MACROD2: variants seen among roughly 807,000 people sequenced by gnomAD.
MACROD2 encodes mono-ADP ribosylhydrolase 2.
Under a neutral mutation model 70.4 loss-of-function variants are expected in MACROD2, and 36 were observed. That is an observed-to-expected ratio of 0.51 (90% CI 0.39 to 0.68). The LOEUF (loss-of-function observed/expected upper bound fraction) is 0.68, where lower values mean the gene tolerates loss of function less well. Ranked by LOEUF, MACROD2 falls within the 30% of genes least tolerant of loss-of-function variation. The probability of loss-of-function intolerance (pLI) is 0.00; values close to 1 mark genes in which losing one functional copy is unlikely to be tolerated. For synonymous variants in MACROD2, 172 were observed against 178.8 expected, an observed-to-expected ratio of 0.96 and a Z score of 0.30; for missense variants, 496 against 538.4, an observed-to-expected ratio of 0.92 and a Z score of 0.78.
At chr20:15,599,573 A>G (rs2048791459) in intron 8 of MACROD2, among the ~76,000 whole-genome samples, 1 of 152,184 alleles carries the variant, frequency 6.6e-6, no homozygotes, top group Non-Finnish European at 1.5e-5. Flanking sequence ...CTGAGTTCTC[A>G]TCACCTGTAA....
chr20:14,934,354 G>GC (rs765774096), intron 5 of MACROD2, among the ~76,000 whole-genome samples: 13 of 152,202 alleles, frequency 8.5e-5, no homozygotes, highest in Non-Finnish European at 1.8e-4. Flanking sequence ...CATAATGAGA[G>GC]CAGCAGCATA....
chr20:14,606,399 A>G (rs1297077645), intron 4 of MACROD2, among the ~76,000 whole-genome samples: 2 of 152,154 alleles, frequency 1.3e-5, no homozygotes, highest in East Asian at 3.8e-4. Flanking sequence ...CAGCATGCCT[A>G]TAACAATTCC....
At chr20:14,410,905 C>T (rs192434956) in intron 3 of MACROD2, among the ~76,000 whole-genome samples, 54 of 152,232 alleles carry the variant, frequency 3.5e-4, no homozygotes, top group Non-Finnish European at 6.3e-4. Flanking sequence ...TAGAGACCAA[C>T]CTGAGCAGAT....
intron 4 of MACROD2, among the ~76,000 whole-genome samples, chr20:14,579,331 C>T (rs971885053): frequency 6.6e-6 from 1 of 150,742 alleles, no homozygotes; most frequent in Non-Finnish European, 1.5e-5. Flanking sequence ...TTAGTAGAGA[C>T]GGGGTTTCAC....
At chr20:14,187,139 G>GAAAAAAAAAAAAAAAAAAAAAAAA (rs71335951) in intron 3 of MACROD2, among the ~76,000 whole-genome samples, 1 of 112,974 alleles carries the variant, frequency 8.9e-6, no homozygotes. Context: ...TTTAAAAAAG[G>GAAAAAAAAAAAAAAAAAAAAAAAA]AAAAAAAAAA....
At chr20:15,712,196 G>T (rs2050638722) in intron 8 of MACROD2, among the ~76,000 whole-genome samples, 1 of 152,174 alleles carries the variant, frequency 6.6e-6, no homozygotes, top group Admixed American at 6.5e-5. Context: ...TCTTAAGAAG[G>T]CTAGAGTCAA....
intron 3 of MACROD2, among the ~76,000 whole-genome samples, chr20:14,407,416 C>T (rs753706006): frequency 7.9e-5 from 12 of 152,026 alleles, no homozygotes; most frequent in Admixed American, 1.3e-4. Context: ...CTCTCTCTCT[C>T]CCACTCTCTA....
At chr20:14,006,153 A>G (rs905989525) in intron 2 of MACROD2, among the ~76,000 whole-genome samples, 2 of 152,210 alleles carry the variant, frequency 1.3e-5, no homozygotes, top group Admixed American at 1.3e-4. Context: ...CCTAGGAGCA[A>G]TTGGCTGTAC....
intron 5 of MACROD2, among the ~76,000 whole-genome samples, chr20:15,118,433 C>T (rs982419729): frequency 2.0e-5 from 3 of 151,996 alleles, no homozygotes; most frequent in East Asian, 1.9e-4. Flanking sequence ...CCTCATGATC[C>T]GCCCGCCTTG....
intron 13 of MACROD2, among the ~76,000 whole-genome samples, chr20:15,978,240 C>T (rs546775558): frequency 2.0e-5 from 3 of 152,242 alleles, no homozygotes; most frequent in Admixed American, 6.5e-5. Context: ...CAGGACCACC[C>T]CCCTCCCCAA....
chr20:14,996,386 T>C (rs540725508), intron 5 of MACROD2, among the ~76,000 whole-genome samples: 13 of 152,106 alleles, frequency 8.5e-5, no homozygotes, highest in Non-Finnish European at 1.8e-4. Context: ...AACATTAACG[T>C]TGATAAAGAA....
rs2076707346 is a variant in MACROD2 at position 15,206,721 on chromosome 20, G to GTTTTTTTTTGT, written c.419-23210_419-23209insGTTTTTTTTTT. On this transcript the variant is annotated intron_variant, in intron 5 of 17. Coordinates refer to ENST00000684519, the MANE Select transcript of MACROD2 (RefSeq NM_001351661.2). ...GCATGAAGTCTTTCATATTATCTATGTTTTTTTTTTTTTTTTTTTTTTTTT... is the reference window on the plus strand; with the variant it reads ...GCATGAAGTCTTTCATATTATCTATGTTTTTTTTTGTTTTTTTTTTTTTTTTTTTTTTTTTT... Among the ~76,000 whole-genome samples the GTTTTTTTTTGT allele has an allele frequency of 1.2e-3, 38 of 33,000 alleles. 5 individuals carry two copies. The highest frequency in any genetic ancestry group is 5.7e-3 in the African/African-American group (37 of 6,544). 21.6% of individuals were successfully genotyped at this position (33,000 alleles called of 152,430 possible).
intron 3 of MACROD2, among the ~76,000 whole-genome samples, chr20:14,461,181 C>T (rs1262720658): frequency 1.3e-5 from 2 of 152,004 alleles, no homozygotes; most frequent in Non-Finnish European, 2.9e-5. Context: ...GGAGTTTATC[C>T]ATTTCTTCCA....
chr20:14,130,106 CA>C (rs1453054725), intron 3 of MACROD2, among the ~76,000 whole-genome samples: 3 of 152,238 alleles, frequency 2.0e-5, no homozygotes, highest in Non-Finnish European at 4.4e-5. Flanking sequence ...CATGGGGACT[CA>C]GTTAAAGTGA....
intron 6 of MACROD2, among the ~76,000 whole-genome samples, chr20:15,325,407 C>T (rs1203178080): frequency 1.3e-5 from 2 of 152,096 alleles, no homozygotes; most frequent in East Asian, 3.9e-4. Context: ...TTTGAGGCTC[C>T]CCATCATGTT....
At chr20:14,079,264 T>A (rs1173444689) in intron 2 of MACROD2, among the ~76,000 whole-genome samples, 1 of 152,248 alleles carries the variant, frequency 6.6e-6, no homozygotes, top group Non-Finnish European at 1.5e-5. Context: ...AGCCTTCTAA[T>A]GGCATTGCTT....
chr20:14,308,192 G>A (rs886662728), intron 3 of MACROD2, among the ~76,000 whole-genome samples: 1 of 152,086 alleles, frequency 6.6e-6, no homozygotes, highest in South Asian at 2.1e-4. Flanking sequence ...CATAATGATG[G>A]CATTTATGTT....
chr20:13,998,151 G>A (rs932956658), intron 1 of MACROD2, among the ~76,000 whole-genome samples: 2 of 152,076 alleles, frequency 1.3e-5, no homozygotes, highest in African/African-American at 4.8e-5. Flanking sequence ...TTAAATAAAA[G>A]TTTTATGAAA....
intron 4 of MACROD2, among the ~76,000 whole-genome samples, chr20:14,506,546 A>G (rs972013805): frequency 2.6e-5 from 4 of 152,198 alleles, no homozygotes; most frequent in Non-Finnish European, 4.4e-5. Context: ...ATCCAGGCAA[A>G]GATGTCAGAG....
Sources: gnomAD v4.1 joint callset for allele counts (sites outside exome capture counted in the v4.1 genomes callset) on GRCh38, gnomAD v4.1.1 for gene constraint, MANE v1.5 for transcripts, NCBI Gene and HGNC (gene_info 2026-07-23, HGNC 2026-07-21) for gene names.